The following ROBO2 variants were observed in gnomAD, a reference collection of about 807,000 sequenced individuals.
ROBO2 encodes the protein roundabout homolog 2.
A neutral mutation model predicts 160.8 loss-of-function variants in ROBO2; 53 were observed. The observed-to-expected ratio is 0.33, with a 90% CI of 0.26 to 0.41. ROBO2 has a LOEUF of 0.41. Among genes scored for constraint, ROBO2 ranks in the 10% least tolerant of loss-of-function variants. The pLI is 1.00. For missense variants in ROBO2, 1,577 were observed against 1,722.4 expected (o/e 0.92, Z 1.49); for synonymous variants, 664 against 611.7 (o/e 1.09, Z -1.26).
chr3:77,295,263 A>G (rs1052978456), intron 2 of ROBO2, among the ~76,000 whole-genome samples: 1 of 150,090 alleles, frequency 6.7e-6, no homozygotes, highest in East Asian at 1.9e-4. Context: ...TTGACGATTA[A>G]ACGGTAAGCT....
At chr3:77,284,636 G>T (rs1342081988) in intron 2 of ROBO2, among the ~76,000 whole-genome samples, 1 of 152,086 alleles carries the variant, frequency 6.6e-6, no homozygotes, top group African/African-American at 2.4e-5. Flanking sequence ...TATGATCATA[G>T]AATTTGAAGG....
At position 76,210,269 on chromosome 3, in the gene ROBO2, C is replaced by T. The variant is rs1351793410; in HGVS notation, c.109+272667C>T. 3.3e-5 allele frequency among the ~76,000 whole-genome samples: 5 copies of T among 152,014 alleles called. No homozygotes were observed. In the East Asian group the frequency reaches 5.8e-4, roughly 18 times the overall value. ...ATTTCTAGGAATCTTGTATTTGACC[C>T]TTTTCCAAATGTGCTACTTTGTTAG... On this transcript the variant is annotated intron_variant, in intron 2 of 26. Coordinates refer to the ROBO2 transcript ENST00000487694.
rs1013000262 is a variant in ROBO2 at position 77,624,912 on chromosome 3, A to T, written c.3760+2480A>T. The stretch of plus-strand genomic sequence containing the variant: ...CCCTGCAACTCTGAAGCCAATCAGA[A>T]TATTAGTTCAATAACAACACTGGGA... On this transcript the variant is annotated intron_variant, in intron 23 of 25. Transcript: ENST00000461745. Among the ~76,000 whole-genome samples, 7 of 152,278 alleles carry T rather than the reference A, an allele frequency of 4.6e-5. No individual in the cohort carries two copies. The South Asian group carries it at 1.5e-3, about 32-fold the overall frequency.
At chr3:77,284,480 C>A (rs1451853018) in intron 2 of ROBO2, among the ~76,000 whole-genome samples, 1 of 152,134 alleles carries the variant, frequency 6.6e-6, no homozygotes, top group Non-Finnish European at 1.5e-5. Context: ...AGGTCTGATA[C>A]AAATGTCACC....
At chr3:77,205,585 C>T (rs930411580) in intron 2 of ROBO2, among the ~76,000 whole-genome samples, 3 of 152,058 alleles carry the variant, frequency 2.0e-5, no homozygotes, top group Admixed American at 1.3e-4. Context: ...CTAAGGGCAG[C>T]AGGTATCCAG....
In ROBO2 at chr3:77,213,007, G is replaced by T. The variant is rs571737372; in HGVS notation, c.388+114667G>T. Among the ~76,000 whole-genome samples the T allele has an allele frequency of 3.3e-5, 5 of 152,266 alleles. No individual in the cohort carries two copies. In the East Asian group the frequency reaches 9.7e-4, roughly 29 times the overall value. On this transcript the variant is annotated intron_variant, in intron 2 of 25. Transcript: ENST00000461745. ...TTTTGTTGAGGATTTTTGCATCAAT[G>T]TTCATCAGGGATATTGGTCTAAAAT...
rs531743544 is a variant in ROBO2 at position 76,473,033 on chromosome 3, G to A, written c.109+535431G>A. Among the ~76,000 whole-genome samples, 7 of 152,202 alleles carry A rather than the reference G, an allele frequency of 4.6e-5. No homozygotes were observed. The South Asian group carries it at 8.3e-4, about 18-fold the overall frequency. ...TTTTTTATGATTTAACTTAAAAGAC[G>A]GCTCCATAAGGCTTCATAATGAACA... On this transcript the variant is annotated intron_variant, in intron 2 of 26. Transcript: ENST00000487694.
chr3:76,572,648 CTG>C (rs1232644237), intron 2 of ROBO2, among the ~76,000 whole-genome samples: 5 of 152,134 alleles, frequency 3.3e-5, no homozygotes, highest in African/African-American at 1.2e-4. Context: ...ATGTAAGTCT[CTG>C]AGAATGACTG....
rs1299032322 is a variant in ROBO2 at position 76,798,116 on chromosome 3, G to GAAGAA, written c.110-299897_110-299896insAGAAA. ...AAGACACATTAAAAAAAAGAAAGAAGAGAAAGAAGAAAGAAAGAAGAAAGA... is the reference window on the plus strand; with the variant it reads ...AAGACACATTAAAAAAAAGAAAGAAGAAGAAAGAAAGAAGAAAGAAAGAAGAAAGA... On this transcript the variant is annotated intron_variant, in intron 2 of 26. Transcript: ENST00000487694. Among the ~76,000 whole-genome samples the GAAGAA allele has an allele frequency of 5.4e-3, 401 of 74,518 alleles. 8 individuals are homozygous for GAAGAA. Among genetic ancestry groups the GAAGAA allele is most frequent in the African/African-American group, 0.018 (380 of 20,682 alleles). The allele number at this position is 74,518 out of a possible 152,430, so 48.9% of individuals were successfully genotyped here.
At chr3:76,713,069 G>A (rs920011602) in intron 2 of ROBO2, among the ~76,000 whole-genome samples, 3 of 152,112 alleles carry the variant, frequency 2.0e-5, no homozygotes, top group African/African-American at 7.2e-5. Flanking sequence ...TTTAAAAACT[G>A]ACGTTTTTCC....
At chr3:77,219,284 T>G (rs542178793) in intron 2 of ROBO2, among the ~76,000 whole-genome samples, 1 of 151,828 alleles carries the variant, frequency 6.6e-6, no homozygotes, top group African/African-American at 2.4e-5. Flanking sequence ...TCGACTTCTT[T>G]TTAGATAGAG....
At chr3:77,635,872 T>C (rs879667553) in intron 24 of ROBO2, among the ~76,000 whole-genome samples, 1 of 152,162 alleles carries the variant, frequency 6.6e-6, no homozygotes, top group Non-Finnish European at 1.5e-5. Context: ...AGCTGGTAGA[T>C]TCCAAACAAC....
At chr3:76,703,790 T>A (rs188442575) in intron 2 of ROBO2, among the ~76,000 whole-genome samples, 104 of 152,284 alleles carry the variant, frequency 6.8e-4, no homozygotes, top group Non-Finnish European at 1.1e-3. Flanking sequence ...TGGTTCCAAC[T>A]CTTTGCTATT....
chr3:77,642,555 A>G (rs2095363689), intron 24 of ROBO2, 116 bp from the exon 26 acceptor site: 1 of 359,784 alleles, frequency 2.8e-6, no homozygotes, highest in South Asian at 2.1e-5. Flanking sequence ...ATTTTCCCCA[A>G]ATTTTTTTTG....
At chr3:75,954,167 C>A (rs905664666) in intron 2 of ROBO2, among the ~76,000 whole-genome samples, 2 of 151,852 alleles carry the variant, frequency 1.3e-5, no homozygotes, top group African/African-American at 4.8e-5. Flanking sequence ...AGGAAAGGTA[C>A]AAAATTAATT....
At chr3:76,649,264 G>GT (rs1215910831) in intron 2 of ROBO2, among the ~76,000 whole-genome samples, 2 of 152,108 alleles carry the variant, frequency 1.3e-5, no homozygotes, top group Middle Eastern at 3.2e-3. Flanking sequence ...AATTAGCCAT[G>GT]TTCAGAAACT....
At chr3:77,627,648 G>T (rs896735016) in intron 23 of ROBO2, among the ~76,000 whole-genome samples, 3 of 152,140 alleles carry the variant, frequency 2.0e-5, no homozygotes, top group Admixed American at 1.3e-4. Context: ...AAGTTCTGTA[G>T]ATTTGACATG....
At chr3:76,036,067 A>T (rs1477215801) in intron 2 of ROBO2, among the ~76,000 whole-genome samples, 1 of 152,018 alleles carries the variant, frequency 6.6e-6, no homozygotes, top group African/African-American at 2.4e-5. Flanking sequence ...ATCAATTAAT[A>T]ACCATTTTTA....
chr3:76,520,889 G>T (rs1016426233), intron 2 of ROBO2, among the ~76,000 whole-genome samples: 3 of 151,932 alleles, frequency 2.0e-5, no homozygotes, highest in Admixed American at 2.0e-4. Context: ...TTTCATATCT[G>T]GACTGTACGG....
Sources: gnomAD v4.1 joint callset for allele counts (sites outside exome capture counted in the v4.1 genomes callset) on GRCh38, gnomAD v4.1.1 for gene constraint, MANE v1.5 for transcripts, NCBI Gene and HGNC (gene_info 2026-07-23, HGNC 2026-07-21) for gene names.